USP12: variants seen among roughly 807,000 people sequenced by gnomAD.
The protein encoded by USP12 is ubiquitin carboxyl-terminal hydrolase 12.
Under a neutral mutation model 45.5 loss-of-function variants are expected in USP12, and 19 were observed. The observed-to-expected ratio is 0.42, with a 90% CI of 0.29 to 0.61. The LOEUF (loss-of-function observed/expected upper bound fraction) is 0.61, where lower values mean the gene tolerates loss of function less well. Ranked by LOEUF, USP12 falls within the 20% of genes least tolerant of loss-of-function variation. The pLI, the probability that USP12 is intolerant of heterozygous loss-of-function variation, is 0.22. For synonymous variants in USP12, 149 were observed against 148.8 expected (o/e 1.00, Z -0.01); for missense variants, 242 against 447.7 (o/e 0.54, Z 4.15).
chr13:27,120,330 G>A (rs934475856), intron 1 of USP12, among the ~76,000 whole-genome samples: 7 of 152,060 alleles, frequency 4.6e-5, no homozygotes, highest in Admixed American at 1.3e-4. Flanking sequence ...TTCTTTACTG[G>A]GATAAAGAGA....
intron 1 of USP12, chr13:27,162,968 A>C (rs1878177406): frequency 6.6e-6 from 1 of 152,116 alleles, no homozygotes; most frequent in Non-Finnish European, 1.5e-5. Context: ...TACAATCCAA[A>C]ATTTTCCAAT....
intron 2 of USP12, among the ~76,000 whole-genome samples, chr13:27,106,530 A>G (rs1875145903): frequency 6.6e-6 from 1 of 152,212 alleles, no homozygotes; most frequent in Non-Finnish European, 1.5e-5. Flanking sequence ...AAACAGCTAA[A>G]AGTCAGTCAT....
At chr13:27,143,129 A>T (rs1877146935) in intron 1 of USP12, among the ~76,000 whole-genome samples, 1 of 151,968 alleles carries the variant, frequency 6.6e-6, no homozygotes, top group African/African-American at 2.4e-5. Flanking sequence ...AAGAACAATA[A>T]AGTAGTAGTC....
intron 2 of USP12, among the ~76,000 whole-genome samples, chr13:27,109,580 A>T (rs1875321442): frequency 6.6e-6 from 1 of 152,132 alleles, no homozygotes; most frequent in Admixed American, 6.5e-5. Context: ...TGCAAATGTA[A>T]ATGCTGGAGT....
intron 2 of USP12, among the ~76,000 whole-genome samples, chr13:27,113,739 C>T (rs187682569): frequency 7.4e-4 from 112 of 152,272 alleles, no homozygotes; most frequent in Admixed American, 4.1e-3. Flanking sequence ...AGGACCTGGG[C>T]CAGAGCTCTT....
In USP12 at chr13:27,116,525, T is replaced by C. The variant is rs1875749903; in HGVS notation, c.120A>G (p.Gly40=). The C allele has an allele frequency of 6.2e-7, 1 of 1,613,666 alleles. No homozygotes were observed. Among genetic ancestry groups the C allele is most frequent in the Non-Finnish European group, 8.5e-7 (1 of 1,179,868 alleles). ...EQFPVNEHYF[G]LVNFGNTCYC... Reference sequence around the variant, plus strand: ...ATCAATGGATACTTACATTGACTAATCCAAAATAGTGCTCATTGACCGGAA... The same window carrying C: ...ATCAATGGATACTTACATTGACTAACCCAAAATAGTGCTCATTGACCGGAA... Residue 40 remains glycine, a synonymous_variant, in exon 2 of 9, where the codon GGA becomes GGG. Coordinates refer to ENST00000282344, the MANE Select transcript of USP12 (RefSeq NM_182488.4).
At chr13:27,171,032 C>T (rs964831190) in intron 1 of USP12, among the ~76,000 whole-genome samples, 13 of 152,226 alleles carry the variant, frequency 8.5e-5, no homozygotes, top group African/African-American at 1.7e-4. Context: ...CGTCCTCTCC[C>T]AGGCGGGAAT....
intron 1 of USP12, among the ~76,000 whole-genome samples, chr13:27,168,007 A>T (rs2137851606): frequency 6.6e-6 from 1 of 152,360 alleles, no homozygotes; most frequent in African/African-American, 2.4e-5. Flanking sequence ...AAAAAAGAAA[A>T]GACAGCCAGT....
intron 1 of USP12, among the ~76,000 whole-genome samples, chr13:27,152,508 T>C (rs1877616844): frequency 6.6e-6 from 1 of 152,016 alleles, no homozygotes; most frequent in Admixed American, 6.6e-5. Context: ...AAAGAATAGC[T>C]AAAGGGTATA....
At chr13:27,075,167 C>G in intron 7 of USP12, 24 bp downstream of exon 7, 1 of 1,612,926 alleles carries the variant, frequency 6.2e-7, no homozygotes, top group Non-Finnish European at 8.5e-7. Context: ...AATTCCACTA[C>G]TATGTCCCCG....
At chr13:27,093,939 T>C (rs141838205) in intron 4 of USP12, among the ~76,000 whole-genome samples, 1 of 152,326 alleles carries the variant, frequency 6.6e-6, no homozygotes, top group Non-Finnish European at 1.5e-5. Context: ...ACAGGCTGCA[T>C]ACTATATGAT....
chr13:27,073,053 C>G (rs756600788), intron 7 of USP12, among the ~76,000 whole-genome samples: 1 of 152,172 alleles, frequency 6.6e-6, no homozygotes, highest in Non-Finnish European at 1.5e-5. Context: ...AGCACTAAGA[C>G]AGGGCTAGCA....
intron 7 of USP12, among the ~76,000 whole-genome samples, chr13:27,073,508 T>G (rs1873337765): frequency 6.6e-6 from 1 of 151,444 alleles, no homozygotes; most frequent in Non-Finnish European, 1.5e-5. Context: ...GGGGAAAGAG[T>G]TGGGTTAATT....
At chr13:27,170,365 A>T (rs748622000) in intron 1 of USP12, 28 of 398,470 alleles carry the variant, frequency 7.0e-5, no homozygotes, top group Admixed American at 1.8e-4. Context: ...CCACCCTTAG[A>T]TGGAAAATTT....
At chr13:27,114,781 A>C (rs947290770) in intron 2 of USP12, among the ~76,000 whole-genome samples, 4 of 152,048 alleles carry the variant, frequency 2.6e-5, no homozygotes, top group African/African-American at 7.3e-5. Context: ...AAAAAAAAAA[A>C]AAAACAAACT....
chr13:27,070,766 T>C (rs1321548899), intron 8 of USP12, among the ~76,000 whole-genome samples: 2 of 152,174 alleles, frequency 1.3e-5, no homozygotes, highest in Non-Finnish European at 2.9e-5. Context: ...TTGGTCAGGC[T>C]GGTCTCAAAC....
At chr13:27,157,368 A>C (rs1877887555) in intron 1 of USP12, among the ~76,000 whole-genome samples, 1 of 152,218 alleles carries the variant, frequency 6.6e-6, no homozygotes, top group Admixed American at 6.5e-5. Flanking sequence ...AGAGGTGTAC[A>C]TAATTCCCCG....
At chr13:27,072,829 C>G (rs965366502) in intron 7 of USP12, among the ~76,000 whole-genome samples, 42 of 152,220 alleles carry the variant, frequency 2.8e-4, no homozygotes, top group Non-Finnish European at 1.9e-4. Flanking sequence ...AAGGAGCAAG[C>G]TGAACTGGAA....
In USP12 at chr13:27,093,877, A is replaced by T. The variant is rs369743534; in HGVS notation, c.573+1724T>A. On this transcript the variant is annotated intron_variant, in intron 4 of 8. Transcript: ENST00000282344. ...GGAAATAAGTTATCAAGCCTTAAAA[A>T]GACATGGAAGAACCTTAAATGCATA... Among the ~76,000 whole-genome samples the T allele has an allele frequency of 1.2e-4, 19 of 152,366 alleles. No homozygotes were observed. The East Asian group carries it at 1.5e-3, about 12-fold the overall frequency.
Sources: allele counts gnomAD v4.1 joint callset (sites outside exome capture counted in the v4.1 genomes callset), GRCh38; gene constraint gnomAD v4.1.1; transcripts MANE v1.5; gene names NCBI Gene and HGNC (gene_info 2026-07-23, HGNC 2026-07-21).